FAM53A: variants seen among roughly 807,000 people sequenced by gnomAD.
The protein encoded by FAM53A is family with sequence similarity 53 member A, also known as protein FAM53A.
Under a neutral mutation model 26.6 loss-of-function variants are expected in FAM53A, and 28 were observed. That is an observed-to-expected ratio of 1.05 (90% CI 0.78 to 1.45). The LOEUF is 1.45. Among genes scored for constraint, FAM53A ranks in the 40% most tolerant of loss-of-function variants. FAM53A has a pLI of 0.00. For missense variants in FAM53A, 650 were observed against 575.8 expected (o/e 1.13, Z -1.32); for synonymous variants, 290 against 253.1 (o/e 1.15, Z -1.38).
chr4:1,591,352 G>A, the FAM53A span, among the ~76,000 whole-genome samples: 1 of 151,998 alleles, frequency 6.6e-6, no homozygotes, highest in Non-Finnish European at 1.5e-5. Context: ...CCCCCCTCTG[G>A]ACACACTGTG....
downstream of FAM53A, among the ~76,000 whole-genome samples, chr4:1,617,151 T>C (rs990576585): frequency 1.7e-4 from 26 of 150,458 alleles, no homozygotes; most frequent in African/African-American, 6.3e-4. Flanking sequence ...AAAAAAAGTT[T>C]CATTTATATT....
chr4:1,661,769 GGTC>G (rs1713852893), intron 2 of FAM53A, among the ~76,000 whole-genome samples: 1 of 152,282 alleles, frequency 6.6e-6, no homozygotes, highest in East Asian at 1.9e-4. Flanking sequence ...TGTGGTTACT[GGTC>G]GTCTGTGTAG....
intron 1 of FAM53A, among the ~76,000 whole-genome samples, chr4:1,673,592 G>A (rs992304211): frequency 6.6e-6 from 1 of 152,208 alleles, no homozygotes; most frequent in African/African-American, 2.4e-5. Flanking sequence ...AATTAGCTGG[G>A]TGTGATGGCG....
At chr4:1,604,563 CTCAGGGCGGG>C in the FAM53A span, among the ~76,000 whole-genome samples, 1 of 152,082 alleles carries the variant, frequency 6.6e-6, no homozygotes, top group South Asian at 2.1e-4. Flanking sequence ...ACAACTGAGA[CTCAGGGCGGG>C]TCAGGGCCCC....
rs1715576784 is a variant in FAM53A, at chr4:1,630,704, T to C, written c.432-12593A>G. 6.6e-6 allele frequency among the ~76,000 whole-genome samples: 1 copy of C among 150,518 alleles called. No homozygotes were observed. The highest frequency in any genetic ancestry group is 2.2e-4 in the South Asian group (1 of 4,548). On this transcript the variant is annotated intron_variant, in intron 1 of 1. Transcript: ENST00000489029. This position sits in a 1 kb window ranked among gnomAD's most constrained non-coding sequence, Gnocchi z 4.3. ...ACAGCATGATCCCACGTCTACGAAA[T>C]GCCCAGCTCCACAGAGACAACAAGC...
chr4:1,632,299 A>G (rs924598371), intron 1 of FAM53A, among the ~76,000 whole-genome samples: 18 of 152,188 alleles, frequency 1.2e-4, no homozygotes, highest in African/African-American at 4.3e-4. Flanking sequence ...AGATGAGGAC[A>G]CAGACACACA....
the FAM53A span, chr4:1,580,378 G>A: frequency 1.3e-5 from 2 of 152,398 alleles, no homozygotes; most frequent in Admixed American, 1.3e-4. Context: ...CGGGCCACCA[G>A]TGTGGCCAGA....
At chr4:1,629,696 C>T (rs1462513880) in intron 1 of FAM53A, among the ~76,000 whole-genome samples, 3 of 152,226 alleles carry the variant, frequency 2.0e-5, no homozygotes, top group Non-Finnish European at 4.4e-5. Context: ...CTCTCAGGCC[C>T]AGACTCAGCC....
At chr4:1,653,219 G>A (rs1009130766) in intron 4 of FAM53A, among the ~76,000 whole-genome samples, 2 of 151,960 alleles carry the variant, frequency 1.3e-5, no homozygotes, top group Non-Finnish European at 2.9e-5. Context: ...ACACACCCGG[G>A]TGTCCATGAG....
the FAM53A span, among the ~76,000 whole-genome samples, chr4:1,607,530 G>GA: frequency 9.9e-5 from 15 of 152,086 alleles, no homozygotes; most frequent in Non-Finnish European, 2.1e-4. Flanking sequence ...ATCTTGAAGT[G>GA]AATTTTCCAT....
chr4:1,637,186 C>T (rs556060651), downstream of FAM53A, among the ~76,000 whole-genome samples: 43 of 138,828 alleles, frequency 3.1e-4, no homozygotes, highest in African/African-American at 5.3e-4. Context: ...CACCCATGCT[C>T]GGGTGGGGGG....
intron 4 of FAM53A, among the ~76,000 whole-genome samples, chr4:1,643,292 C>G (rs1397061372): frequency 6.6e-6 from 1 of 151,944 alleles, no homozygotes; most frequent in Non-Finnish European, 1.5e-5. Context: ...CGGTGAAGCC[C>G]CGTCTCTACT....
downstream of FAM53A, among the ~76,000 whole-genome samples, chr4:1,639,273 C>T (rs565427266): frequency 2.6e-5 from 4 of 152,200 alleles, no homozygotes; most frequent in African/African-American, 4.8e-5. Context: ...GAGCACCGCC[C>T]GCCCCACCCC....
chr4:1,597,078 A>G, the FAM53A span, among the ~76,000 whole-genome samples: 2 of 152,094 alleles, frequency 1.3e-5, no homozygotes, highest in Non-Finnish European at 2.9e-5. Flanking sequence ...CTCTGGATCC[A>G]GTGGGGCAGG....
the FAM53A span, among the ~76,000 whole-genome samples, chr4:1,604,489 C>T: frequency 1.3e-5 from 2 of 152,224 alleles, no homozygotes; most frequent in African/African-American, 4.8e-5. Flanking sequence ...CACCCAAGGT[C>T]AGCACATCCC....
intron 1 of FAM53A, among the ~76,000 whole-genome samples, chr4:1,672,181 CGGACCCA>C: frequency 9.7e-5 from 1 of 10,312 alleles, no homozygotes; most frequent in Middle Eastern, 0.071. Flanking sequence ...CAAGAACCCA[CGGACCCA>C]CGGACCCAGG....
chr4:1,684,046 G>C (rs975224920), intron 1 of FAM53A, 187 bp downstream of exon 1: 1 of 152,162 alleles, frequency 6.6e-6, no homozygotes, highest in Admixed American at 6.5e-5. Flanking sequence ...TCGCCTCGAC[G>C]GGCGGCGCAG....
At chr4:1,597,103 C>T in the FAM53A span, among the ~76,000 whole-genome samples, 1 of 152,160 alleles carries the variant, frequency 6.6e-6, no homozygotes, top group Non-Finnish European at 1.5e-5. Flanking sequence ...TCTTTTCCCT[C>T]ACTGGGACTC....
At chr4:1,636,004 C>T (rs1422968921), downstream of FAM53A, among the ~76,000 whole-genome samples, 5 of 152,024 alleles carry the variant, frequency 3.3e-5, no homozygotes, top group East Asian at 3.9e-4. Context: ...CCACCACGCC[C>T]GGCTAATTTT....
Sources: allele counts gnomAD v4.1 joint callset (sites outside exome capture counted in the v4.1 genomes callset), GRCh38; gene constraint gnomAD v4.1.1; non-coding constraint Gnocchi (gnomAD v3.1); transcripts MANE v1.5; gene names NCBI Gene and HGNC (gene_info 2026-07-23, HGNC 2026-07-21).